Variants in CFAP100 observed in about 807,000 individuals in gnomAD.
CFAP100 encodes the protein cilia- and flagella-associated protein 100.
Under a neutral mutation model 81.5 loss-of-function variants are expected in CFAP100, and 70 were observed. The ratio of observed to expected loss-of-function variants is 0.86; its 90% CI spans 0.71 to 1.05. The LOEUF (loss-of-function observed/expected upper bound fraction) is 1.05, where lower values mean the gene tolerates loss of function less well. CFAP100 is among the 50% of genes least tolerant of loss of function. The pLI, the probability that CFAP100 is intolerant of heterozygous loss-of-function variation, is 0.00. For synonymous variants in CFAP100, 341 were observed against 314.8 expected (o/e 1.08, Z -0.88); for missense variants, 811 against 776.5 (o/e 1.04, Z -0.53).
chr3:126,414,211 G>A lies in CFAP100; in HGVS notation c.225+32G>A, dbSNP rs780280136. On this transcript the variant is annotated intron_variant, in intron 4 of 16. Coordinates refer to ENST00000352312, the MANE Select transcript of CFAP100 (RefSeq NM_182628.3). ...ATCCAGGACAGACGCCAGCACCTCCGGGAGCTTCCCTGCTCCCACTGCTTC... is the reference window on the plus strand; with the variant it reads ...ATCCAGGACAGACGCCAGCACCTCCAGGAGCTTCCCTGCTCCCACTGCTTC... The A allele has an allele frequency of 4.7e-5, 72 of 1,522,530 alleles. 1 individual carries two copies. Among genetic ancestry groups the A allele is most frequent in the Non-Finnish European group, 5.5e-5 (60 of 1,096,754 alleles). 94.3% of individuals were successfully genotyped at this position (1,522,530 alleles called of 1,614,324 possible).
chr3:126,418,292 T>C, intron 5 of CFAP100, 166 bp from the exon 6 acceptor site: 1 of 619,878 alleles, frequency 1.6e-6, no homozygotes. Context: ...TCTCTCTTTT[T>C]GTGGAGACAG....
chr3:126,432,997 C>G, intron 13 of CFAP100, 72 bp from the exon 14 acceptor site: 1 of 1,575,246 alleles, frequency 6.3e-7, no homozygotes, highest in Non-Finnish European at 8.6e-7. Flanking sequence ...ACTGTACAGA[C>G]AGGCTCAGAG....
intron 11 of CFAP100, 102 bp downstream of exon 11, chr3:126,420,331 G>A (rs1441815724): frequency 6.7e-7 from 1 of 1,482,878 alleles, no homozygotes; most frequent in Non-Finnish European, 9.0e-7. Flanking sequence ...AAAAGAAAGT[G>A]TGTTACTCAC....
At position 126,434,193 on chromosome 3, in the gene CFAP100, C is replaced by T; in HGVS notation, c.1440C>T (p.Ser480=). Residue 480 remains serine, a synonymous_variant, in exon 15 of 17, where the codon AGC becomes AGT. Transcript: ENST00000352312. ...KGDQQDKLLE[S]LNCKVLDVYR... is the part of the protein sequence containing the mutation. ...CTCCACAGGATAAGCTGCTAGAGAG[C>T]CTGAACTGCAAGGTGCTGGATGTGT... The T allele has an allele frequency of 6.2e-7, 1 of 1,612,240 alleles. No individual in the cohort carries two copies. Among genetic ancestry groups the T allele is most frequent in the Non-Finnish European group, 8.5e-7 (1 of 1,178,900 alleles).
rs1379027297 is a variant in CFAP100, at chr3:126,418,592, C to T, written c.487-19C>T. 2.2e-5 allele frequency: 35 copies of T among 1,611,794 alleles called. No homozygotes were observed. Among genetic ancestry groups the T allele is most frequent in the Non-Finnish European group, 3.0e-5 (35 of 1,178,930 alleles). ...CTGGCCCGGGCCAGGCACCATGACC[C>T]CACTCTGCTGGCCCCCAGTATGCCC... On this transcript the variant is annotated intron_variant, in intron 6 of 16. Coordinates refer to ENST00000352312, the MANE Select transcript of CFAP100 (RefSeq NM_182628.3).
intron 2 of CFAP100, among the ~76,000 whole-genome samples, chr3:126,402,400 C>T (rs984866689): frequency 3.3e-5 from 5 of 152,096 alleles, no homozygotes; most frequent in East Asian, 1.9e-4. Context: ...CCAGAAAGCC[C>T]GAGGGAAAGG....
At chr3:126,397,486 A>T (rs976146142) in intron 2 of CFAP100, among the ~76,000 whole-genome samples, 1 of 152,260 alleles carries the variant, frequency 6.6e-6, no homozygotes, top group Non-Finnish European at 1.5e-5. Flanking sequence ...TTATGCTACC[A>T]CAAGACAGTT....
intron 3 of CFAP100, among the ~76,000 whole-genome samples, chr3:126,413,583 T>TCTCTGGGC (rs1199837586): frequency 5.3e-5 from 8 of 152,206 alleles, no homozygotes; most frequent in Non-Finnish European, 1.2e-4. Context: ...CACAAGCCCC[T>TCTCTGGGC]CTCTGGGCCT....
At position 126,433,211 on chromosome 3, in the gene CFAP100, T is replaced by G. The variant is rs200944774; in HGVS notation, c.1422+7T>G. 6.2e-7 allele frequency: 1 copy of G among 1,614,006 alleles called. No individual in the cohort carries two copies. Among genetic ancestry groups the G allele is most frequent in the Admixed American group, 1.7e-5 (1 of 60,002 alleles). On this transcript the variant is annotated splice_region_variant and intron_variant, in intron 14 of 16. Coordinates refer to ENST00000352312, the MANE Select transcript of CFAP100 (RefSeq NM_182628.3). Reference sequence around the variant, plus strand: ...GTACAAGGGCGATCAGCAGGTAGGCTGGGGATCAAGGTGGCCAGAGGCCCA... The same window carrying G: ...GTACAAGGGCGATCAGCAGGTAGGCGGGGGATCAAGGTGGCCAGAGGCCCA...
chr3:126,417,112 A>G (rs1454628392), intron 5 of CFAP100, among the ~76,000 whole-genome samples: 1 of 152,184 alleles, frequency 6.6e-6, no homozygotes, highest in Non-Finnish European at 1.5e-5. Context: ...GTTCCTAAGA[A>G]AGAGCATGGA....
At chr3:126,425,601 A>G (rs754234934) in intron 13 of CFAP100, among the ~76,000 whole-genome samples, 28 of 152,194 alleles carry the variant, frequency 1.8e-4, no homozygotes, top group Non-Finnish European at 3.5e-4. Context: ...CCAAAACTAG[A>G]CAAAGGCATT....
chr3:126,435,584 C>G lies in CFAP100; in HGVS notation c.1654C>G (p.Gln552Glu). 6.2e-7 allele frequency: 1 copy of G among 1,611,852 alleles called. No individual in the cohort carries two copies. The change falls in exon 16 of 17, where the codon CAA becomes GAA. Residue 552 changes from glutamine to glutamate, a missense_variant. Gln to Glu is a conservative substitution (Grantham distance 29). Transcript: ENST00000352312. ...ACTTCGAGAAGAGAAGCTCCAGATG[C>G]AAAAGATCCTACAGGAGGAGCATCT... The part of the protein sequence containing the change: ...IRLREEKLQM[Q>E]KILQEEHLQR...
At chr3:126,418,155 A>C (rs904005848) in intron 5 of CFAP100, 1 of 342,916 alleles carries the variant, frequency 2.9e-6, no homozygotes, top group Non-Finnish European at 5.4e-6. Context: ...GAAATTTCCC[A>C]GGTGGGGTGT....
intron 5 of CFAP100, among the ~76,000 whole-genome samples, chr3:126,417,247 C>G (rs1037274757): frequency 6.6e-6 from 1 of 152,208 alleles, no homozygotes; most frequent in Non-Finnish European, 1.5e-5. Context: ...CAGTACCAGC[C>G]TCATGGATTG....
chr3:126,417,508 G>A (rs927347936), intron 5 of CFAP100, among the ~76,000 whole-genome samples: 1 of 152,206 alleles, frequency 6.6e-6, no homozygotes, highest in Non-Finnish European at 1.5e-5. Flanking sequence ...TTGTGGGGGC[G>A]TTTAGGCCCC....
At chr3:126,395,833 G>T in intron 1 of CFAP100, 109 bp from the exon 2 acceptor site, 1 of 611,920 alleles carries the variant, frequency 1.6e-6, no homozygotes, top group Non-Finnish European at 2.9e-6. Flanking sequence ...GCCGGCAGGT[G>T]TCCCCACAAG....
chr3:126,419,772 C>T lies in CFAP100; in HGVS notation c.867C>T (p.Ser289=), dbSNP rs368008013. Residue 289 remains serine (S), a synonymous_variant, in exon 9 of 17, where the codon TCC becomes TCT. Transcript: ENST00000352312. ...HSFLKKAKEV[S]EASKESSVNS... ...TTCTCAAAAAGGCCAAGGAGGTCTC[C>T]GAGGCTTCCAAAGAGAGCAGTGTTA... The T allele has an allele frequency of 6.1e-5, 99 of 1,614,004 alleles. No individual in the cohort carries two copies. The highest frequency in any genetic ancestry group is 3.8e-4 in the South Asian group (35 of 91,082).
intron 14 of CFAP100, 76 bp from the exon 15 acceptor site, chr3:126,434,100 G>T: frequency 7.4e-7 from 1 of 1,348,360 alleles, no homozygotes; most frequent in Non-Finnish European, 1.0e-6. Context: ...GAGGTCAGCA[G>T]GCCACCGCTG....
intron 2 of CFAP100, 55 bp from the exon 3 acceptor site, chr3:126,407,117 G>A: frequency 7.8e-7 from 1 of 1,282,220 alleles, no homozygotes; most frequent in Non-Finnish European, 1.1e-6. Context: ...TGTGTTCACA[G>A]TTCTCATGGG....
Sources: gnomAD v4.1 joint callset for allele counts (sites outside exome capture counted in the v4.1 genomes callset) on GRCh38, gnomAD v4.1.1 for gene constraint, MANE v1.5 for transcripts, NCBI Gene and HGNC (gene_info 2026-07-23, HGNC 2026-07-21) for gene names.